Variants in RGS7BP observed in about 807,000 individuals in gnomAD.
RGS7BP encodes the protein regulator of G protein signaling 7 binding protein.
A neutral mutation model predicts 31.3 loss-of-function variants in RGS7BP; 9 were observed. That is an observed-to-expected ratio of 0.29 (90% confidence interval 0.17 to 0.50). RGS7BP has a LOEUF of 0.50. Ranked by LOEUF, RGS7BP falls within the 20% of genes least tolerant of loss-of-function variation. RGS7BP has a pLI of 0.98. For missense variants in RGS7BP, 274 were observed against 322.0 expected (o/e 0.85, Z 1.14); for synonymous variants, 115 against 120.1 (o/e 0.96, Z 0.28).
Position 64,506,284 on chromosome 5 carries a change from C to T in RGS7BP, c.-341C>T. The stretch of plus-strand genomic sequence containing the variant: ...GGAAACTCGGAACCGCCGGGCGGCG[C>T]GTTCCTTCTCGCCCAGCCTTGCAAT... On this transcript the variant is annotated 5_prime_UTR_variant, in exon 1 of 6. Coordinates refer to ENST00000334025, the MANE Select transcript of RGS7BP (RefSeq NM_001029875.3). The surrounding 1 kb of genome is among the most constrained non-coding windows in gnomAD (Gnocchi z 4.6). 1 of 213,360 alleles carries T rather than the reference C, an allele frequency of 4.7e-6. No homozygotes were observed. Among genetic ancestry groups the T allele is most frequent in the Non-Finnish European group, 9.2e-6 (1 of 108,638 alleles). The allele number at this position is 213,360 out of a possible 1,614,324, so 13.2% of individuals were successfully genotyped here. A position where few individuals can be genotyped will look rare whatever the true frequency, so the allele number is the denominator to read the frequency against.
At chr5:64,587,644 T>C (rs1742794275) in intron 3 of RGS7BP, among the ~76,000 whole-genome samples, 2 of 152,126 alleles carry the variant, frequency 1.3e-5, no homozygotes, top group African/African-American at 4.8e-5. Flanking sequence ...GAGTATAAAA[T>C]AAATCTGAGC....
chr5:64,562,243 A>G (rs1018070869), intron 2 of RGS7BP, among the ~76,000 whole-genome samples: 1 of 152,132 alleles, frequency 6.6e-6, no homozygotes, highest in African/African-American at 2.4e-5. Context: ...CAGGGACTCA[A>G]TAAATAATAT....
rs1311581736 is a variant in RGS7BP at position 64,506,453 on chromosome 5, C to G, written c.-172C>G. 3 of 487,132 alleles carry G rather than the reference C, an allele frequency of 6.2e-6. No individual in the cohort carries two copies. The highest frequency in any genetic ancestry group is 1.1e-5 in the Non-Finnish European group (3 of 276,494). 30.2% of individuals were successfully genotyped at this position (487,132 alleles called of 1,614,324 possible). On this transcript the variant is annotated 5_prime_UTR_variant, in exon 1 of 6. Coordinates refer to ENST00000334025, the MANE Select transcript of RGS7BP (RefSeq NM_001029875.3). The surrounding 1 kb of genome is among the most constrained non-coding windows in gnomAD (Gnocchi z 4.6). ...CTGCACGGCACAGCTAGCGCTTCCC[C>G]GGCTCTCCTTCAAGCTGAAGGTTAC... is the stretch of plus-strand genomic sequence containing the variant.
At chr5:64,529,127 G>C (rs1022095206) in intron 2 of RGS7BP, among the ~76,000 whole-genome samples, 7 of 152,056 alleles carry the variant, frequency 4.6e-5, no homozygotes, top group African/African-American at 1.7e-4. Context: ...ATTTTGATTA[G>C]AAAAATGTAC....
At chr5:64,607,743 A>C (rs968066295) in intron 5 of RGS7BP, among the ~76,000 whole-genome samples, 3 of 151,968 alleles carry the variant, frequency 2.0e-5, no homozygotes, top group Non-Finnish European at 4.4e-5. Context: ...AGCTTTGTCT[A>C]AATTCCAAAA....
chr5:64,521,348 C>A (rs529045204), intron 2 of RGS7BP, among the ~76,000 whole-genome samples: 1 of 152,202 alleles, frequency 6.6e-6, no homozygotes, highest in Non-Finnish European at 1.5e-5. Context: ...ACCTCCGTCT[C>A]CCGGGTTCAA....
At chr5:64,519,643 A>G (rs1215938526) in intron 2 of RGS7BP, among the ~76,000 whole-genome samples, 2 of 152,182 alleles carry the variant, frequency 1.3e-5, no homozygotes, top group African/African-American at 4.8e-5. Context: ...GTCTGTTTTG[A>G]ACCATGGGGA....
At chr5:64,545,634 C>A (rs868578296) in intron 2 of RGS7BP, among the ~76,000 whole-genome samples, 3 of 151,914 alleles carry the variant, frequency 2.0e-5, no homozygotes, top group Non-Finnish European at 2.9e-5. Context: ...TAGAAAGAAC[C>A]GGAGGAAATT....
intron 2 of RGS7BP, among the ~76,000 whole-genome samples, chr5:64,513,127 T>C (rs1462480989): frequency 6.6e-6 from 1 of 152,214 alleles, no homozygotes; most frequent in African/African-American, 2.4e-5. Context: ...GCAAGAAGTT[T>C]GATGATTGAA....
intron 2 of RGS7BP, among the ~76,000 whole-genome samples, chr5:64,552,661 T>C (rs1391125495): frequency 6.6e-6 from 1 of 152,228 alleles, no homozygotes; most frequent in Non-Finnish European, 1.5e-5. Context: ...TGAATTTAGA[T>C]TGTGGCTTTC....
At chr5:64,534,891 G>A (rs954771464) in intron 2 of RGS7BP, among the ~76,000 whole-genome samples, 1 of 152,182 alleles carries the variant, frequency 6.6e-6, no homozygotes. Flanking sequence ...AGAGCTAGGG[G>A]CTGGGCACTG....
At chr5:64,554,024 T>A (rs188929283) in intron 2 of RGS7BP, among the ~76,000 whole-genome samples, 1 of 152,124 alleles carries the variant, frequency 6.6e-6, no homozygotes, top group Non-Finnish European at 1.5e-5. Context: ...GATATACACA[T>A]AAAGTCATTT....
intron 3 of RGS7BP, among the ~76,000 whole-genome samples, chr5:64,589,351 C>A (rs1284094408): frequency 6.6e-6 from 1 of 151,660 alleles, no homozygotes; most frequent in African/African-American, 2.4e-5. Context: ...TACAATGGTA[C>A]AAGCTGGCAG....
At chr5:64,524,151 C>A (rs1229814686) in intron 2 of RGS7BP, among the ~76,000 whole-genome samples, 1 of 152,228 alleles carries the variant, frequency 6.6e-6, no homozygotes, top group Non-Finnish European at 1.5e-5. Context: ...TCAATCTACA[C>A]AAAAGAGTTA....
At chr5:64,608,437 C>T (rs1743419666) in intron 5 of RGS7BP, among the ~76,000 whole-genome samples, 1 of 151,844 alleles carries the variant, frequency 6.6e-6, no homozygotes, top group Admixed American at 6.6e-5. Context: ...CCCTTGTGTA[C>T]AGAAATCTAT....
intron 2 of RGS7BP, among the ~76,000 whole-genome samples, chr5:64,515,680 T>C (rs886174604): frequency 2.0e-5 from 3 of 150,862 alleles, no homozygotes; most frequent in East Asian, 3.9e-4. Context: ...TAAAACTTCA[T>C]GAAAAACATT....
At chr5:64,513,935 G>A (rs943553425) in intron 2 of RGS7BP, among the ~76,000 whole-genome samples, 28 of 152,282 alleles carry the variant, frequency 1.8e-4, no homozygotes, top group African/African-American at 6.3e-4. Context: ...TGCCACAAAC[G>A]GAGTGGCTTA....
At chr5:64,527,606 T>TAAAA (rs59081277) in intron 2 of RGS7BP, among the ~76,000 whole-genome samples, 5 of 86,484 alleles carry the variant, frequency 5.8e-5, no homozygotes, top group Admixed American at 1.4e-4. Flanking sequence ...CTTATAACAG[T>TAAAA]AAAAAAAAAA....
chr5:64,549,114 C>T (rs1214157019), intron 2 of RGS7BP, among the ~76,000 whole-genome samples: 1 of 152,132 alleles, frequency 6.6e-6, no homozygotes, highest in Non-Finnish European at 1.5e-5. Context: ...TAAATAACAC[C>T]TAAATCAGAT....
Sources: gnomAD v4.1 joint callset for allele counts (sites outside exome capture counted in the v4.1 genomes callset) on GRCh38, gnomAD v4.1.1 for gene constraint, Gnocchi (gnomAD v3.1) non-coding constraint, MANE v1.5 for transcripts, NCBI Gene and HGNC (gene_info 2026-07-23, HGNC 2026-07-21) for gene names.